Variants in ZNF674 observed in about 807,000 individuals in gnomAD.
ZNF674 encodes the protein zinc finger protein 674.
Under a neutral mutation model 7.0 loss-of-function variants are expected in ZNF674, and 2 were observed. That is an observed-to-expected ratio of 0.29 (90% CI 0.12 to 0.90). The LOEUF is 0.90. ZNF674 is among the 40% of genes least tolerant of loss of function. ZNF674 has a pLI of 0.57. For missense variants in ZNF674, 297 were observed against 415.5 expected (o/e 0.71, Z 2.48); for synonymous variants, 103 against 145.2 (o/e 0.71, Z 2.09).
intron 3 of ZNF674, among the ~76,000 whole-genome samples, chrX:46,541,064 A>G (rs1362870731): frequency 1.4e-5 from 1 of 72,387 alleles, no homozygotes; most frequent in Non-Finnish European, 2.6e-5. Context: ...AACTCCATTT[A>G]AAAAAAAAAA....
rs761139688 is a variant in ZNF674 at position 46,542,094 on chromosome X, G to A, written c.-7C>T. On this transcript the variant is annotated 5_prime_UTR_variant, in exon 3 of 6. Transcript: ENST00000683375. ...TCACCTGGGACATGGCCATCTTGTT[G>A]TGCTCCTGCAAAGGATGGAGATCTA... 1 of 1,197,208 alleles carries A rather than the reference G, an allele frequency of 8.4e-7. No individual in the cohort carries two copies. The highest frequency in any genetic ancestry group is 1.8e-5 in the African/African-American group (1 of 57,081).
Position 46,517,828 on chromosome X carries a change from G to T in ZNF674, c.238+10522C>A, listed in dbSNP as rs1419799233. 2.6e-4 allele frequency: 29 copies of T among 111,645 alleles called. No homozygotes were observed. In the Admixed American group the frequency reaches 2.8e-3, roughly 11 times the overall value. The allele number at this position is 111,645 out of a possible 1,213,427, so 9.2% of individuals were successfully genotyped here. ...CAGAGAAGATTAGCATGGCTCCTGT[G>T]TAAGGATGACGTGCAAATTTGTCAA... On this transcript the variant is annotated intron_variant, in intron 5 of 5. Transcript: ENST00000683375.
At chrX:46,514,953 GACTT>G (rs1941734259) in intron 5 of ZNF674, among the ~76,000 whole-genome samples, 1 of 112,089 alleles carries the variant, frequency 8.9e-6, no homozygotes, top group Non-Finnish European at 1.9e-5. Flanking sequence ...TATGTGATTA[GACTT>G]ACTTTAAAAC....
intron 5 of ZNF674, among the ~76,000 whole-genome samples, chrX:46,514,825 G>A (rs1356910982): frequency 8.9e-6 from 1 of 112,386 alleles, no homozygotes; most frequent in East Asian, 2.8e-4. Flanking sequence ...CTAGCTGGAA[G>A]AGTAAAGAAA....
intron 5 of ZNF674, among the ~76,000 whole-genome samples, chrX:46,513,499 A>G (rs1941703503): frequency 8.9e-6 from 1 of 111,790 alleles, no homozygotes; most frequent in African/African-American, 3.3e-5. Context: ...TAATTTTGCC[A>G]CATAAGGTCA....
intron 5 of ZNF674, among the ~76,000 whole-genome samples, chrX:46,517,310 GA>G (rs934542236): frequency 1.9e-5 from 2 of 105,807 alleles, no homozygotes; most frequent in South Asian, 4.1e-4. Flanking sequence ...AAAATGATTG[GA>G]AAAAAAAACA....
chrX:46,528,375 T>C lies in ZNF674; in HGVS notation c.213A>G (p.Gly71=), dbSNP rs767164640. 6 of 1,211,528 alleles carry C rather than the reference T, an allele frequency of 5.0e-6. No individual in the cohort carries two copies. Among genetic ancestry groups the C allele is most frequent in the East Asian group, 3.0e-5 (1 of 33,832 alleles). ...GPGDESWMAD[G]GTPVRTCAEV... ...CTGCACAGGTCCGTACCGGGGTCCC[T>C]CCATCTGCCATCCAGGACTCGTCAC... Residue 71 remains glycine (G), a synonymous_variant, in exon 5 of 6, where the codon GGA becomes GGG. Coordinates refer to ENST00000683375, the MANE Select transcript of ZNF674 (RefSeq NM_001190417.2).
intron 5 of ZNF674, among the ~76,000 whole-genome samples, chrX:46,503,717 A>C (rs776873401): frequency 2.7e-5 from 3 of 112,160 alleles, no homozygotes; most frequent in Non-Finnish European, 5.6e-5. Flanking sequence ...AAAGAAGGAT[A>C]AAAGACGAGA....
intron 5 of ZNF674, among the ~76,000 whole-genome samples, chrX:46,515,405 A>T (rs946872840): frequency 6.4e-5 from 7 of 110,098 alleles, no homozygotes; most frequent in Admixed American, 2.0e-4. Context: ...GACACAAATT[A>T]TGAAAGCTCA....
chrX:46,514,807 G>C (rs940098772), intron 5 of ZNF674, among the ~76,000 whole-genome samples: 14 of 112,449 alleles, frequency 1.2e-4, no homozygotes, highest in Middle Eastern at 4.6e-3. Context: ...AAAGGGAAGG[G>C]AGAAGAGCTA....
At chrX:46,522,678 ATAACT>A (rs1038616727) in intron 5 of ZNF674, among the ~76,000 whole-genome samples, 2 of 111,778 alleles carry the variant, frequency 1.8e-5, no homozygotes, top group Non-Finnish European at 3.8e-5. Flanking sequence ...AAATAAATAA[ATAACT>A]TAAAAGAGAG....
chrX:46,528,270 T>G (rs903253897), intron 5 of ZNF674, 80 bp downstream of exon 5: 67 of 985,232 alleles, frequency 6.8e-5, no homozygotes, highest in Non-Finnish European at 9.1e-5. Context: ...GAAGAGCTCC[T>G]GAGCACATCC....
At position 46,509,119 on chromosome X, in the gene ZNF674, C is replaced by T. The variant is rs1404907554; in HGVS notation, c.239-7784G>A. Among the ~76,000 whole-genome samples the T allele has an allele frequency of 3.1e-4, 33 of 107,141 alleles. 2 individuals carry two copies. Among genetic ancestry groups the T allele is most frequent in the Admixed American group, 1.6e-3 (16 of 9,841 alleles). The allele number at this position is 107,141 out of a possible 115,157, so 93.0% of individuals were successfully genotyped here. ...GCTGAAACTGGATCCCTTCCTTACA[C>T]CTTATACAAAAATTAATTCAAGATG... is the stretch of plus-strand genomic sequence containing the variant. On this transcript the variant is annotated intron_variant, in intron 5 of 5. Transcript: ENST00000683375.
At chrX:46,519,428 T>C (rs1941864764) in intron 5 of ZNF674, among the ~76,000 whole-genome samples, 2 of 107,578 alleles carry the variant, frequency 1.9e-5, no homozygotes, top group Non-Finnish European at 3.8e-5. Flanking sequence ...GCCAACATGG[T>C]GAAACCCCGT....
chrX:46,529,921 A>G (rs1288480897), intron 3 of ZNF674, among the ~76,000 whole-genome samples: 1 of 111,521 alleles, frequency 9.0e-6, no homozygotes, highest in Non-Finnish European at 1.9e-5. Flanking sequence ...CTAATCAATC[A>G]TGACAAACCG....
chrX:46,519,210 TTAGA>T (rs61702218), intron 5 of ZNF674, among the ~76,000 whole-genome samples: 13,106 of 73,428 alleles, frequency 0.18, 1,370 homozygotes, highest in East Asian at 0.21. Flanking sequence ...CTCAGATAGA[TTAGA>T]TAGATAGATA....
At chrX:46,522,781 T>C (rs1941937518) in intron 5 of ZNF674, among the ~76,000 whole-genome samples, 1 of 112,800 alleles carries the variant, frequency 8.9e-6, no homozygotes, top group South Asian at 3.6e-4. Context: ...CTCACAACTA[T>C]AGTAGTGAAT....
chrX:46,531,543 G>C (rs1178193675), intron 3 of ZNF674, among the ~76,000 whole-genome samples: 2 of 111,556 alleles, frequency 1.8e-5, no homozygotes, highest in African/African-American at 6.5e-5. Context: ...ACTGGAGAAT[G>C]ACTTGGTATT....
At chrX:46,523,482 C>T (rs1941951491) in intron 5 of ZNF674, 1 of 111,258 alleles carries the variant, frequency 9.0e-6, no homozygotes, top group Non-Finnish European at 1.9e-5. Context: ...AGGCACGTGT[C>T]ACCATGCCCG....
Sources: allele counts gnomAD v4.1 joint callset (sites outside exome capture counted in the v4.1 genomes callset), GRCh38; gene constraint gnomAD v4.1.1; transcripts MANE v1.5; gene names NCBI Gene and HGNC (gene_info 2026-07-23, HGNC 2026-07-21).